The following KRT3 variants were observed in gnomAD, a reference collection of about 807,000 sequenced individuals.
The protein encoded by KRT3 is keratin, type II cytoskeletal 3.
In KRT3, 34 loss-of-function variants were observed where a neutral mutation model predicts 45.8. The observed-to-expected ratio is 0.74, with a 90% CI of 0.57 to 0.99. The LOEUF (loss-of-function observed/expected upper bound fraction) is 0.99, where lower values mean the gene tolerates loss of function less well. Among genes scored for constraint, KRT3 ranks in the 50% least tolerant of loss-of-function variants. KRT3 has a pLI of 0.00. For synonymous variants in KRT3, 367 were observed against 329.0 expected, an observed-to-expected ratio of 1.12 and a Z score of -1.25; for missense variants, 828 against 820.6, an observed-to-expected ratio of 1.01 and a Z score of -0.11.
chr12:52,795,377 G>A, intron 1 of KRT3, 21 bp downstream of exon 1: 1 of 1,613,730 alleles, frequency 6.2e-7, no homozygotes, highest in Non-Finnish European at 8.5e-7. Flanking sequence ...AGGAAGGGAT[G>A]ACCAGTCAAA....
intron 1 of KRT3, 76 bp from the exon 2 acceptor site, chr12:52,794,407 T>A: frequency 9.4e-7 from 1 of 1,063,868 alleles, no homozygotes; most frequent in Non-Finnish European, 1.4e-6. Context: ...CAGGTAGGAC[T>A]AGGTGTCTAT....
intron 8 of KRT3, 114 bp from the exon 9 acceptor site, chr12:52,790,472 C>A (rs956428593): frequency 1.4e-5 from 15 of 1,048,796 alleles, no homozygotes; most frequent in Non-Finnish European, 2.0e-5. Flanking sequence ...GGCAGCTTTG[C>A]ACAGGATGTT....
At chr12:52,793,089 G>T (rs1242933821) in intron 3 of KRT3, 74 bp downstream of exon 3, 1 of 1,190,044 alleles carries the variant, frequency 8.4e-7, no homozygotes, top group South Asian at 1.3e-5. Context: ...TGTGGCAGTG[G>T]AGTGAGGAGA....
At chr12:52,791,494 G>T in intron 6 of KRT3, 68 bp from the exon 7 acceptor site, 1 of 1,527,676 alleles carries the variant, frequency 6.5e-7, no homozygotes, top group Non-Finnish European at 9.0e-7. Flanking sequence ...ACATGCAATG[G>T]ATTATCCCAT....
At chr12:52,793,080 G>T in intron 3 of KRT3, 83 bp downstream of exon 3, 1 of 1,102,458 alleles carries the variant, frequency 9.1e-7, no homozygotes, top group Non-Finnish European at 1.4e-6. Flanking sequence ...TGGCAGCTCT[G>T]TGGCAGTGGA....
chr12:52,792,158 G>A, intron 5 of KRT3, 81 bp downstream of exon 5: 1 of 1,208,390 alleles, frequency 8.3e-7, no homozygotes, highest in Non-Finnish European at 1.2e-6. Flanking sequence ...TGACCACTGG[G>A]AACTCACTAC....
Position 52,794,278 on chromosome 12 carries a change from G to T in KRT3, c.699C>A (p.Leu233=). Reference sequence around the variant, plus strand: ...AGATGGAACTTGTGCCCTGCTGCTGGAGCAGGTTCCACTTGGTCTCCAGGA... The same window carrying T: ...AGATGGAACTTGTGCCCTGCTGCTGTAGCAGGTTCCACTTGGTCTCCAGGA... ...NKVLETKWNL[L]QQQGTSSISG... Residue 233 remains leucine (L), a synonymous_variant, in exon 2 of 9, where the codon CTC becomes CTA. Coordinates refer to ENST00000417996, the MANE Select transcript of KRT3 (RefSeq NM_057088.3). 6.2e-7 allele frequency: 1 copy of T among 1,614,168 alleles called. No homozygotes were observed. Among genetic ancestry groups the T allele is most frequent in the Non-Finnish European group, 8.5e-7 (1 of 1,180,022 alleles).
chr12:52,790,866 A>T lies in KRT3; in HGVS notation c.1542T>A (p.Ser514=), dbSNP rs759683403. The part of the protein sequence containing the change: ...KLLEGEEYRM[S]GECPSAVSIS... ...TGCTGACAGCACTCGGACACTCTCC[A>T]GACATCCTGTTTGAGAAAGCAAGAG... is the stretch of plus-strand genomic sequence containing the variant. The change falls in exon 8 of 9, where the codon TCT becomes TCA. Residue 514 remains serine (S), a synonymous_variant. Transcript: ENST00000417996. The T allele has an allele frequency of 5.0e-6, 8 of 1,598,300 alleles. No individual in the cohort carries two copies. The South Asian group carries it at 8.0e-5, about 16-fold the overall frequency.
chr12:52,791,253 G>A lies in KRT3; in HGVS notation c.1488C>T (p.Asp496=), dbSNP rs372122010. 3.9e-4 allele frequency: 631 copies of A among 1,614,100 alleles called. 1 individual carries two copies. Among genetic ancestry groups the A allele is most frequent in the Non-Finnish European group, 4.7e-4 (556 of 1,180,028 alleles). ...GCTTGCGGTAGGTGGCGATCTCCAC[G>A]TCCAGGGCCAGCTTGACATTCATCA... is the stretch of plus-strand genomic sequence containing the variant. The part of the protein sequence containing the change: ...QELMNVKLAL[D]VEIATYRKLL... Residue 496 remains aspartate, a synonymous_variant, in exon 7 of 9, where the codon GAC becomes GAT. Transcript: ENST00000417996.
At chr12:52,791,891 C>T in intron 5 of KRT3, 75 bp from the exon 6 acceptor site, 10 of 1,511,710 alleles carry the variant, frequency 6.6e-6, no homozygotes, top group Non-Finnish European at 9.0e-6. Context: ...ACATCACCCA[C>T]CAAACCTTCA....
chr12:52,790,441 C>G, intron 8 of KRT3, 83 bp from the exon 9 acceptor site: 1 of 1,349,856 alleles, frequency 7.4e-7, no homozygotes. Flanking sequence ...ACCGGGCCCA[C>G]GACTATCCAG....
At position 52,790,076 on chromosome 12, in the gene KRT3, T is replaced by A; in HGVS notation, c.1853A>T (p.Gln618Leu). 1 of 1,540,962 alleles carries A rather than the reference T, an allele frequency of 6.5e-7. No homozygotes were observed. Among genetic ancestry groups the A allele is most frequent in the Non-Finnish European group, 8.7e-7 (1 of 1,146,890 alleles). The change falls in exon 9 of 9, where the codon CAG becomes CTG. Residue 618 changes from glutamine (Q) to leucine (L), a missense_variant. Physicochemically the swap from Gln to Leu is moderately radical, Grantham distance 113 (BLOSUM62 -2). Coordinates refer to ENST00000417996, the MANE Select transcript of KRT3 (RefSeq NM_057088.3). ...GTAGCGCTGGGAGGACTGGGAGGACTGGGAGAACTTGATGCTGCCGCCCCG... is the reference window on the plus strand; with the variant it reads ...GTAGCGCTGGGAGGACTGGGAGGACAGGGAGAACTTGATGCTGCCGCCCCG... ...SNRGGSIKFS[Q>L]SSQSSQRYSR
chr12:52,792,280 G>A lies in KRT3; in HGVS notation c.1147C>T (p.Gln383Ter), dbSNP rs756859222. 8 of 1,614,142 alleles carry A rather than the reference G, an allele frequency of 5.0e-6. No individual in the cohort carries two copies. The Admixed American group carries it at 1.2e-4, about 24-fold the overall frequency. The change falls in exon 5 of 9, where the codon CAG becomes TAG. Residue 383 changes from glutamine (Q) to a stop codon, truncating the protein, a stop_gained. Coordinates refer to ENST00000417996, the MANE Select transcript of KRT3 (RefSeq NM_057088.3). LOFTEE classifies it high-confidence loss of function. Reference sequence around the variant, plus strand: ...GCCTCAGCTTCGGCCTTGCTTCTCTGAGCGATATCCTCATACTGTGCACGA... The same window carrying A: ...GCCTCAGCTTCGGCCTTGCTTCTCTAAGCGATATCCTCATACTGTGCACGA... ...EVRAQYEDIA[Q>*]RSKAEAEALY...
Position 52,795,620 on chromosome 12 carries a change from A to T in KRT3, c.423T>A (p.Gly141=), listed in dbSNP as rs376823412. ...CAAAGCCACCAGACCCACCAAAGCCACCAGGACCACCAAAGCCACCAGCCC... is the reference window on the plus strand; with the variant it reads ...CAAAGCCACCAGACCCACCAAAGCCTCCAGGACCACCAAAGCCACCAGCCC... ...FGGAGGFGGP[G]GFGGSGGFGG... Residue 141 remains glycine, a synonymous_variant, in exon 1 of 9, where the codon GGT becomes GGA. Transcript: ENST00000417996. 687 of 1,588,188 alleles carry T rather than the reference A, an allele frequency of 4.3e-4. 2 individuals are homozygous for T. Among genetic ancestry groups the T allele is most frequent in the Middle Eastern group, 3.8e-3 (23 of 6,038 alleles).
rs368315538 is a variant in KRT3, at chr12:52,794,925, C to A, written c.645+473G>T. On this transcript the variant is annotated intron_variant, in intron 1 of 8. Transcript: ENST00000417996. ...TTTCTCTGCGCTCCCTTGGGACTAA[C>A]TAAGGTTCTTATGCTCTTAATCCCT... Among the ~76,000 whole-genome samples, 20 of 152,330 alleles carry A rather than the reference C, an allele frequency of 1.3e-4. No homozygotes were observed. The South Asian group carries it at 2.5e-3, about 19-fold the overall frequency.
chr12:52,795,336 T>A, intron 1 of KRT3, 62 bp downstream of exon 1: 1 of 1,593,436 alleles, frequency 6.3e-7, no homozygotes, highest in Non-Finnish European at 8.6e-7. Flanking sequence ...AAACACTGTG[T>A]CCCAAAGGTC....
chr12:52,793,874 G>A (rs983845872), intron 2 of KRT3, among the ~76,000 whole-genome samples: 22 of 152,180 alleles, frequency 1.4e-4, no homozygotes, highest in African/African-American at 5.1e-4. Context: ...TTACAGGCAT[G>A]AGCCACCAAG....
At chr12:52,793,264 G>A (rs373217122) in intron 2 of KRT3, 41 bp from the exon 3 acceptor site, 1 of 1,443,854 alleles carries the variant, frequency 6.9e-7, no homozygotes, top group Non-Finnish European at 9.6e-7. Context: ...TGGTTTTGAG[G>A]TCATCGTAAA....
chr12:52,791,521 A>G, intron 6 of KRT3, 95 bp from the exon 7 acceptor site: 1 of 1,466,328 alleles, frequency 6.8e-7, no homozygotes, highest in East Asian at 2.3e-5. Context: ...GTCAGGGAAC[A>G]TTCCTCCTCC....
Sources: gnomAD v4.1 joint callset for allele counts (sites outside exome capture counted in the v4.1 genomes callset) on GRCh38, gnomAD v4.1.1 for gene constraint, MANE v1.5 for transcripts, NCBI Gene and HGNC (gene_info 2026-07-23, HGNC 2026-07-21) for gene names.